Variants in PLXNA3 observed in about 807,000 individuals in gnomAD.
PLXNA3 encodes the protein plexin-A3.
A neutral mutation model predicts 118.8 loss-of-function variants in PLXNA3; 52 were observed. The observed-to-expected ratio is 0.44, with a 90% CI of 0.35 to 0.55. PLXNA3 has a LOEUF of 0.55. PLXNA3 is among the 20% of genes least tolerant of loss of function. The probability of loss-of-function intolerance (pLI) is 0.01; values close to 1 mark genes in which losing one functional copy is unlikely to be tolerated. For synonymous variants in PLXNA3, 925 were observed against 762.4 expected (o/e 1.21, Z -3.51); for missense variants, 1,660 against 1,730.8 (o/e 0.96, Z 0.73).
In PLXNA3 at chrX:154,469,788, G is replaced by C. The variant is rs954316806; in HGVS notation, c.4795+4G>C. 8.4e-7 allele frequency: 1 copy of C among 1,196,429 alleles called. No individual in the cohort carries two copies. ...ACCCGCTCCCTCAGCCGCTACGGTA[G>C]GTGTCCTCAGTGTGGTGGCCATGTG... On this transcript the variant is annotated splice_donor_region_variant and intron_variant, in intron 28 of 32. Coordinates refer to ENST00000369682, the MANE Select transcript of PLXNA3 (RefSeq NM_017514.5).
chrX:154,464,272 C>T lies in PLXNA3; in HGVS notation c.1787C>T (p.Ser596Leu). Residue 596 changes from serine to leucine, a missense_variant, in exon 8 of 33, where the codon TCA becomes TTA. Coordinates refer to ENST00000369682, the MANE Select transcript of PLXNA3 (RefSeq NM_017514.5). ...LLPSGELLCP[S>L]PSLQELRALT... ...CCCTCCGGTGAACTGCTCTGCCCCTCACCCTCCCTCCAGGAGCTCCGAGCT... is the reference window on the plus strand; with the variant it reads ...CCCTCCGGTGAACTGCTCTGCCCCTTACCCTCCCTCCAGGAGCTCCGAGCT... 1.7e-6 allele frequency: 2 copies of T among 1,208,586 alleles called. No homozygotes were observed. The highest frequency in any genetic ancestry group is 3.5e-5 in the South Asian group (2 of 56,882).
At chrX:154,460,930 C>T (rs782308562) in intron 2 of PLXNA3, among the ~76,000 whole-genome samples, 153 bp downstream of exon 2, 14 of 112,438 alleles carry the variant, frequency 1.2e-4, no homozygotes, top group South Asian at 7.4e-4. Context: ...ACCCAGGTTG[C>T]GGGGGTCCCC....
At position 154,462,133 on chromosome X, in the gene PLXNA3, G is replaced by A. The variant is rs782800309; in HGVS notation, c.1140G>A (p.Met380Ile). 2.5e-6 allele frequency: 3 copies of A among 1,191,644 alleles called. No individual in the cohort carries two copies. Among genetic ancestry groups the A allele is most frequent in the Non-Finnish European group, 3.4e-6 (3 of 884,870 alleles). ...TTCCTCCTCTGTTTCACCAGCCCAT[G>A]CAGATCAACGGCAACTTCTGTGGGC... is the stretch of plus-strand genomic sequence containing the variant. ...NKELPCINTP[M>I]QINGNFCGLV... Residue 380 changes from methionine (M) to isoleucine (I), a missense_variant, in exon 4 of 33, where the codon ATG (methionine) becomes ATA (isoleucine). By Grantham distance (10) the Met-to-Ile change is conservative (BLOSUM62 1). Coordinates refer to ENST00000369682, the MANE Select transcript of PLXNA3 (RefSeq NM_017514.5).
At position 154,463,859 on chromosome X, in the gene PLXNA3, C is replaced by T. The variant is rs1390356832; in HGVS notation, c.1548-92C>T. On this transcript the variant is annotated intron_variant, in intron 6 of 32. Transcript: ENST00000369682. ...GTCCCTCGGGCCCCAGGGGACGCGG[C>T]CAAGGCTCGCTGTTGCCTGGCACTG... The T allele has an allele frequency of 8.2e-6, 9 of 1,101,925 alleles. No individual in the cohort carries two copies. In the Admixed American group the frequency reaches 2.4e-4, roughly 30 times the overall value. The allele number at this position is 1,101,925 out of a possible 1,213,427, so 90.8% of individuals were successfully genotyped here.
At chrX:154,470,962 A>G (rs970606319) in intron 30 of PLXNA3, 143 bp from the exon 31 acceptor site, 1 of 482,591 alleles carries the variant, frequency 2.1e-6, no homozygotes, top group Middle Eastern at 5.6e-4. Context: ...ACTTAGAGGA[A>G]AGGCCGTTCA....
At chrX:154,459,574 G>T (rs1277563103) in intron 1 of PLXNA3, among the ~76,000 whole-genome samples, 2 of 112,567 alleles carry the variant, frequency 1.8e-5, no homozygotes, top group African/African-American at 6.5e-5. Context: ...GCTTTGTGTT[G>T]CATCGGGGAG....
In PLXNA3 at chrX:154,461,660, A is replaced by G. The variant is rs782163989; in HGVS notation, c.1134+22A>G. On this transcript the variant is annotated intron_variant, in intron 3 of 32. Transcript: ENST00000369682. ...CACCGTGAGCCCCTCATCACCCCAC[A>G]CTGGTCCTCTGCCCTGTCCCAGGTC... The G allele has an allele frequency of 6.1e-6, 7 of 1,156,565 alleles. No homozygotes were observed. The African/African-American group carries it at 8.8e-5, about 15-fold the overall frequency.
intron 17 of PLXNA3, 66 bp from the exon 18 acceptor site, chrX:154,466,991 G>A (rs2069097272): frequency 9.6e-7 from 1 of 1,036,826 alleles, no homozygotes; most frequent in African/African-American, 1.9e-5. Flanking sequence ...TGGCAGCCTT[G>A]ATCGCTCTCC....
chrX:154,467,664 C>T lies in PLXNA3; in HGVS notation c.3561C>T (p.Ser1187=). ...CACAACTCCTGTGCGACTCACCCAG[C>T]CAGACTGGCCGGCAGCCTGTCATGG... is the stretch of plus-strand genomic sequence containing the variant. ...SDTQLLCDSP[S]QTGRQPVMVL... is the part of the protein sequence containing the mutation. The change falls in exon 20 of 33, where the codon AGC becomes AGT. Residue 1187 remains serine, a synonymous_variant. Coordinates refer to ENST00000369682, the MANE Select transcript of PLXNA3 (RefSeq NM_017514.5). The T allele has an allele frequency of 8.3e-7, 1 of 1,209,815 alleles. No homozygotes were observed. Among genetic ancestry groups the T allele is most frequent in the Non-Finnish European group, 1.1e-6 (1 of 895,105 alleles).
chrX:154,469,293 C>T (rs2069145680), intron 26 of PLXNA3, 78 bp downstream of exon 26: 1 of 1,148,113 alleles, frequency 8.7e-7, no homozygotes, highest in African/African-American at 1.8e-5. Context: ...TCTCCCGCTC[C>T]CCACCTGAAC....
intron 4 of PLXNA3, 43 bp from the exon 5 acceptor site, chrX:154,463,348 G>C (rs920149034): frequency 2.5e-6 from 3 of 1,209,551 alleles, no homozygotes; most frequent in Non-Finnish European, 2.2e-6. Context: ...AGTGTCCCAG[G>C]TGCAGGAGGC....
chrX:154,461,699 G>A (rs782759495), intron 3 of PLXNA3, 61 bp downstream of exon 3: 121 of 1,047,358 alleles, frequency 1.2e-4, no homozygotes, highest in South Asian at 1.7e-4. Flanking sequence ...CATGCCCAGC[G>A]TGGGCTCACG....
Position 154,466,514 on chromosome X carries a change from T to G in PLXNA3, c.2936+2T>G, listed in dbSNP as rs1569554528. 1 of 1,203,608 alleles carries G rather than the reference T, an allele frequency of 8.3e-7. No individual in the cohort carries two copies. Among genetic ancestry groups the G allele is most frequent in the Non-Finnish European group, 1.1e-6 (1 of 891,579 alleles). ...GGACAGCGAGTGCCAGTTTGTAAGG[T>G]GGGCCGGGGCCCTGCCAGCTTTGGG... On this transcript the variant is annotated splice_donor_variant, in intron 16 of 32. Coordinates refer to ENST00000369682, the MANE Select transcript of PLXNA3 (RefSeq NM_017514.5). LOFTEE classifies it high-confidence loss of function.
Position 154,464,824 on chromosome X carries a change from C to T in PLXNA3, c.1999C>T (p.Pro667Ser), listed in dbSNP as rs781900926. ...GTACCGCCACACGTGTACCAGCCGC[C>T]CCCACGAGTGCTCCTTCCAGGAGGG... ...CKYRHTCTSR[P>S]HECSFQEGRV... The change falls in exon 10 of 33, where the codon CCC becomes TCC. Residue 667 changes from proline to serine, a missense_variant. Pro to Ser is a moderately conservative substitution (Grantham distance 74, BLOSUM62 -1). This residue lies in a region of PLXNA3 where 791 missense variants were observed against 652.1 expected (regional missense o/e 1.21). Transcript: ENST00000369682. 4 of 1,207,873 alleles carry T rather than the reference C, an allele frequency of 3.3e-6. No homozygotes were observed. Among genetic ancestry groups the T allele is most frequent in the South Asian group, 1.8e-5 (1 of 56,294 alleles).
intron 1 of PLXNA3, 125 bp from the exon 2 acceptor site, chrX:154,460,032 C>A: frequency 2.2e-6 from 1 of 446,983 alleles, no homozygotes; most frequent in South Asian, 3.3e-5. Flanking sequence ...ACTCATGCGC[C>A]CTGGCGGAGG....
rs1557207531 is a variant in PLXNA3, at chrX:154,467,306, G to C, written c.3276G>C (p.Arg1092=). 3 of 1,207,955 alleles carry C rather than the reference G, an allele frequency of 2.5e-6. No homozygotes were observed. Among genetic ancestry groups the C allele is most frequent in the African/African-American group, 3.5e-5 (2 of 57,922 alleles). ...PGIFLGRPQP[R]AQGEHPDEFG... ...TCTTTCTTGGGCGGCCCCAGCCTCG[G>C]GCGCAAGGCGAGCACCCTGATGAGT... is the stretch of plus-strand genomic sequence containing the variant. The change falls in exon 19 of 33, where the codon CGG becomes CGC. Residue 1092 remains arginine (R), a synonymous_variant. Transcript: ENST00000369682.
Position 154,465,861 on chromosome X carries a change from A to G in PLXNA3, c.2532+14A>G, listed in dbSNP as rs1223459166. On this transcript the variant is annotated intron_variant, in intron 13 of 32. Transcript: ENST00000369682. ...CGCATCACGCAGGTCAGCCTCCCTCACCGCCCCTGCCCACTGCCAACAGGG... is the reference window on the plus strand; with the variant it reads ...CGCATCACGCAGGTCAGCCTCCCTCGCCGCCCCTGCCCACTGCCAACAGGG... The G allele has an allele frequency of 1.0e-5, 12 of 1,205,396 alleles. No homozygotes were observed. The highest frequency in any genetic ancestry group is 1.3e-5 in the Non-Finnish European group (12 of 892,853).
rs1557206672 is a variant in PLXNA3 at position 154,465,498 on chromosome X, A to G, written c.2319A>G (p.Ile773Met). Reference protein sequence around the residue: ...FSVVWDGDFPIDKPPSFRALL... With the variant: ...FSVVWDGDFPMDKPPSFRALL... ...TGGTCTGGGATGGAGACTTCCCCATAGACAAGCCTCCCAGCTTCCGAGGTG... is the reference window on the plus strand; with the variant it reads ...TGGTCTGGGATGGAGACTTCCCCATGGACAAGCCTCCCAGCTTCCGAGGTG... The change falls in exon 12 of 33, where the codon ATA becomes ATG. Residue 773 changes from isoleucine (I) to methionine (M), a missense_variant. Coordinates refer to ENST00000369682, the MANE Select transcript of PLXNA3 (RefSeq NM_017514.5). 8.3e-7 allele frequency: 1 copy of G among 1,206,287 alleles called. No individual in the cohort carries two copies. The highest frequency in any genetic ancestry group is 1.8e-5 in the South Asian group (1 of 56,846).
chrX:154,469,631 G>A lies in PLXNA3; in HGVS notation c.4699-57G>A, dbSNP rs782073396. The A allele has an allele frequency of 1.4e-4, 156 of 1,079,784 alleles. 2 individuals are homozygous for A. The South Asian group carries it at 2.9e-3, about 20-fold the overall frequency. The allele number at this position is 1,079,784 out of a possible 1,213,427, so 89.0% of individuals were successfully genotyped here. ...TCCCCTCCTGGGTGTGGGTGGGTGG[G>A]GGCGCCTTGGCTTCTCAGCTTCCTG... is the stretch of plus-strand genomic sequence containing the variant. On this transcript the variant is annotated intron_variant, in intron 27 of 32. Coordinates refer to ENST00000369682, the MANE Select transcript of PLXNA3 (RefSeq NM_017514.5).
Sources: allele counts gnomAD v4.1 joint callset (sites outside exome capture counted in the v4.1 genomes callset), GRCh38; gene constraint gnomAD v4.1.1; regional missense constraint gnomAD v4.1.1; transcripts MANE v1.5; gene names NCBI Gene and HGNC (gene_info 2026-07-23, HGNC 2026-07-21).